HECW1: variants seen among roughly 807,000 people sequenced by gnomAD.
HECW1 encodes E3 ubiquitin-protein ligase HECW1.
In HECW1, 61 loss-of-function variants were observed where a neutral mutation model predicts 182.3. That is an observed-to-expected ratio of 0.33 (90% CI 0.27 to 0.41). HECW1 has a LOEUF of 0.41. HECW1 is among the 10% of genes least tolerant of loss of function. The pLI is 1.00. For synonymous variants in HECW1, 859 were observed against 832.6 expected, an observed-to-expected ratio of 1.03 and a Z score of -0.55; for missense variants, 1,739 against 2,108.9, an observed-to-expected ratio of 0.82 and a Z score of 3.44.
chr7:43,502,290 G>A (rs2079394545), intron 21 of HECW1, among the ~76,000 whole-genome samples: 1 of 152,286 alleles, frequency 6.6e-6, no homozygotes, highest in African/African-American at 2.4e-5. Flanking sequence ...GAATGAACTT[G>A]TGGTACAAAA....
chr7:43,283,125 A>G (rs924957796), intron 3 of HECW1, among the ~76,000 whole-genome samples: 6 of 149,208 alleles, frequency 4.0e-5, no homozygotes, highest in African/African-American at 1.2e-4. Flanking sequence ...ACTATCTCCA[A>G]AAAAAAAAAG....
At chr7:43,173,303 A>T (rs1791873270) in intron 2 of HECW1, among the ~76,000 whole-genome samples, 1 of 152,194 alleles carries the variant, frequency 6.6e-6, no homozygotes, top group Non-Finnish European at 1.5e-5. Flanking sequence ...TGGTTTCTGG[A>T]AAGAACGGTT....
intron 7 of HECW1, among the ~76,000 whole-genome samples, chr7:43,402,382 A>G (rs2075455057): frequency 6.6e-6 from 1 of 152,100 alleles, no homozygotes; most frequent in South Asian, 2.1e-4. Context: ...TCCCTCTCCC[A>G]TAAGAGGTTT....
At chr7:43,344,772 C>G (rs1287715065) in intron 5 of HECW1, among the ~76,000 whole-genome samples, 1 of 151,928 alleles carries the variant, frequency 6.6e-6, no homozygotes, top group Non-Finnish European at 1.5e-5. Flanking sequence ...TAAAATTTCT[C>G]CTCTGTGTTG....
At chr7:43,322,041 T>C (rs551315105) in intron 5 of HECW1, among the ~76,000 whole-genome samples, 1 of 152,332 alleles carries the variant, frequency 6.6e-6, no homozygotes, top group South Asian at 2.1e-4. Context: ...GTGTTTGAGA[T>C]AGGCATAATA....
chr7:43,469,868 C>T (rs191225306), intron 16 of HECW1, among the ~76,000 whole-genome samples: 6 of 152,328 alleles, frequency 3.9e-5, no homozygotes, highest in African/African-American at 9.6e-5. Context: ...ATGTCTGTGA[C>T]GTGTCCTTTC....
At chr7:43,290,114 G>C (rs1474751628) in intron 3 of HECW1, among the ~76,000 whole-genome samples, 1 of 152,198 alleles carries the variant, frequency 6.6e-6, no homozygotes, top group Non-Finnish European at 1.5e-5. Context: ...ATCTCTCCTA[G>C]ATCTAAGAAA....
intron 3 of HECW1, among the ~76,000 whole-genome samples, chr7:43,263,923 C>T (rs914988646): frequency 6.6e-6 from 1 of 152,114 alleles, no homozygotes; most frequent in African/African-American, 2.4e-5. Context: ...GATAAAAATG[C>T]ACAAATCTCT....
intron 4 of HECW1, among the ~76,000 whole-genome samples, chr7:43,314,415 C>T (rs1047580114): frequency 6.6e-6 from 1 of 151,600 alleles, no homozygotes; most frequent in African/African-American, 2.4e-5. Context: ...CAGATAGTCA[C>T]AGTGAGAGGG....
In HECW1 at chr7:43,550,521, G is replaced by A. The variant is rs375289259; in HGVS notation, c.4325G>A (p.Arg1442His). Reference sequence around the variant, plus strand: ...AAAAACAAGAAGGAGTACATCGAGCGCATGGTGAAGTGGCGGGTGGAGCGC... The same window carrying A: ...AAAAACAAGAAGGAGTACATCGAGCACATGGTGAAGTGGCGGGTGGAGCGC... ...TEKNKKEYIERMVKWRVERGV... is the reference protein window; with the variant it reads ...TEKNKKEYIEHMVKWRVERGV... The change falls in exon 27 of 30, where the codon CGC (arginine) becomes CAC (histidine). Residue 1442 changes from arginine (R) to histidine (H), a missense_variant. This residue lies in a region of HECW1 where 420 missense variants were observed against 595.7 expected (regional missense o/e 0.71). Coordinates refer to ENST00000395891, the MANE Select transcript of HECW1 (RefSeq NM_015052.5). The A allele has an allele frequency of 1.5e-5, 24 of 1,613,784 alleles. No individual in the cohort carries two copies. The highest frequency in any genetic ancestry group is 7.7e-5 in the South Asian group (7 of 91,034).
At chr7:43,422,181 C>G (rs2076204474) in intron 8 of HECW1, among the ~76,000 whole-genome samples, 1 of 151,992 alleles carries the variant, frequency 6.6e-6, no homozygotes, top group Non-Finnish European at 1.5e-5. Context: ...TTGCAATTAC[C>G]TTTGCACCAA....
chr7:43,517,011 G>T (rs115435932), intron 24 of HECW1, among the ~76,000 whole-genome samples: 1 of 152,202 alleles, frequency 6.6e-6, no homozygotes, highest in Non-Finnish European at 1.5e-5. Flanking sequence ...TGAGACCGCC[G>T]TTGTATATGT....
intron 2 of HECW1, among the ~76,000 whole-genome samples, chr7:43,231,200 C>T (rs1562706884): frequency 6.6e-6 from 1 of 152,206 alleles, no homozygotes; most frequent in Admixed American, 6.5e-5. Context: ...CAGAATGAGA[C>T]TTGAACTGGG....
intron 8 of HECW1, among the ~76,000 whole-genome samples, chr7:43,422,616 GCCT>G (rs1480073551): frequency 6.6e-6 from 1 of 151,946 alleles, no homozygotes; most frequent in Non-Finnish European, 1.5e-5. Flanking sequence ...TGATCTACCT[GCCT>G]CAGCCTCCCA....
At chr7:43,364,201 A>C (rs1816324647) in intron 6 of HECW1, among the ~76,000 whole-genome samples, 1 of 152,168 alleles carries the variant, frequency 6.6e-6, no homozygotes, top group Non-Finnish European at 1.5e-5. Flanking sequence ...CCTTTGGTGT[A>C]ATCAGCGCTT....
intron 5 of HECW1, among the ~76,000 whole-genome samples, chr7:43,354,517 G>A (rs1814863462): frequency 6.6e-6 from 1 of 152,138 alleles, no homozygotes; most frequent in Non-Finnish European, 1.5e-5. Context: ...ATTTGCTGAA[G>A]TGAAAAATTT....
At chr7:43,212,967 G>A (rs368179030) in intron 2 of HECW1, among the ~76,000 whole-genome samples, 7 of 152,182 alleles carry the variant, frequency 4.6e-5, no homozygotes, top group African/African-American at 1.7e-4. Flanking sequence ...GATTATGACA[G>A]AAGTATATTT....
At position 43,184,639 on chromosome 7, in the gene HECW1, G is replaced by A. The variant is rs139395375; in HGVS notation, c.-31-59236G>A. Reference sequence around the variant, plus strand: ...CCCTCAACTTCTGGGGAGCAGAGACGGGCTAAAGGTTGAGTTGATCACCAA... The same window carrying A: ...CCCTCAACTTCTGGGGAGCAGAGACAGGCTAAAGGTTGAGTTGATCACCAA... On this transcript the variant is annotated intron_variant, in intron 2 of 29. Coordinates refer to ENST00000395891, the MANE Select transcript of HECW1 (RefSeq NM_015052.5). Among the ~76,000 whole-genome samples the A allele has an allele frequency of 2.6e-4, 39 of 152,262 alleles. No homozygotes were observed. The East Asian group carries it at 6.6e-3, about 26-fold the overall frequency.
chr7:43,468,574 T>G (rs548575924), intron 15 of HECW1, among the ~76,000 whole-genome samples: 1 of 151,600 alleles, frequency 6.6e-6, no homozygotes, highest in South Asian at 2.1e-4. Flanking sequence ...CAGGCTGGAG[T>G]GCAACGGCAC....
Sources: gnomAD v4.1 joint callset for allele counts (sites outside exome capture counted in the v4.1 genomes callset) on GRCh38, gnomAD v4.1.1 for gene constraint, gnomAD v4.1.1 regional missense constraint, MANE v1.5 for transcripts, NCBI Gene and HGNC (gene_info 2026-07-23, HGNC 2026-07-21) for gene names.